MRPL47: variants seen among roughly 807,000 people sequenced by gnomAD.
MRPL47 encodes the protein mitochondrial ribosomal protein L47, also known as large ribosomal subunit protein uL29m.
MRPL47 carries 31 observed loss-of-function variants against 34.0 expected under a neutral mutation model. That is an observed-to-expected ratio of 0.91 (90% CI 0.68 to 1.23). MRPL47 has a LOEUF of 1.23. Ranked by LOEUF, MRPL47 falls within the 50% of genes most tolerant of loss-of-function variation. The probability of loss-of-function intolerance (pLI) is 0.00; values close to 1 mark genes in which losing one functional copy is unlikely to be tolerated. For missense variants in MRPL47, 328 were observed against 285.8 expected (o/e 1.15, Z -1.07); for synonymous variants, 106 against 101.6 (o/e 1.04, Z -0.26).
At chr3:179,589,924 A>C (rs763064348) in intron 6 of MRPL47, among the ~76,000 whole-genome samples, 2 of 152,212 alleles carry the variant, frequency 1.3e-5, no homozygotes, top group Non-Finnish European at 2.9e-5. Context: ...TCTTAATATT[A>C]AGATGATGAT....
At position 179,604,621 on chromosome 3, in the gene MRPL47, C is replaced by T; in HGVS notation, c.4G>A (p.Ala2Thr). 3 of 1,614,164 alleles carry T rather than the reference C, an allele frequency of 1.9e-6. No individual in the cohort carries two copies. The highest frequency in any genetic ancestry group is 2.5e-6 in the Non-Finnish European group (3 of 1,180,026). ...CAAAGAAGGGCCAAACCGGCCGCAG[C>T]CATGTTTTCGCATAACTGGCAAAAC... The part of the protein sequence containing the change: M[A>T]AAGLALLCRR... The change falls in exon 1 of 7, where the codon GCT becomes ACT. Residue 2 changes from alanine (A) to threonine (T), a missense_variant. Coordinates refer to ENST00000476781, the MANE Select transcript of MRPL47 (RefSeq NM_020409.3).
At chr3:179,593,918 C>A in intron 4 of MRPL47, 23 bp from the exon 5 acceptor site, 1 of 1,595,932 alleles carries the variant, frequency 6.3e-7, no homozygotes, top group Non-Finnish European at 8.5e-7. Flanking sequence ...TAGAAAGATA[C>A]AATTTCAACA....
chr3:179,600,363 G>A (rs1358754793), intron 3 of MRPL47, among the ~76,000 whole-genome samples: 3 of 151,984 alleles, frequency 2.0e-5, no homozygotes, highest in Non-Finnish European at 2.9e-5. Flanking sequence ...AATGTTGGCT[G>A]GGCACGGTGG....
At chr3:179,594,672 T>C (rs1030636947) in intron 4 of MRPL47, among the ~76,000 whole-genome samples, 5 of 151,958 alleles carry the variant, frequency 3.3e-5, no homozygotes, top group Non-Finnish European at 7.4e-5. Flanking sequence ...TTATTAGAGA[T>C]GGGGTTTCAC....
At chr3:179,591,852 A>G (rs561859051) in intron 6 of MRPL47, among the ~76,000 whole-genome samples, 1 of 151,984 alleles carries the variant, frequency 6.6e-6, no homozygotes, top group Admixed American at 6.5e-5. Context: ...CTGTTTTTTG[A>G]GATGAAGTCT....
intron 4 of MRPL47, among the ~76,000 whole-genome samples, chr3:179,594,467 A>G (rs576415856): frequency 2.0e-5 from 3 of 152,192 alleles, no homozygotes; most frequent in Non-Finnish European, 4.4e-5. Flanking sequence ...TATAATGTAT[A>G]TATTGGCAGG....
chr3:179,594,535 C>T (rs1265147652), intron 4 of MRPL47, among the ~76,000 whole-genome samples: 3 of 152,128 alleles, frequency 2.0e-5, no homozygotes, highest in African/African-American at 4.8e-5. Flanking sequence ...CAGGCTAGAG[C>T]GCAGTGGCGT....
chr3:179,594,399 G>T (rs1718747809), intron 4 of MRPL47, among the ~76,000 whole-genome samples: 1 of 152,160 alleles, frequency 6.6e-6, no homozygotes, highest in African/African-American at 2.4e-5. Flanking sequence ...TTATCAAGAT[G>T]CAAGATGATA....
chr3:179,600,056 G>C (rs1452460235), intron 3 of MRPL47, among the ~76,000 whole-genome samples: 1 of 151,990 alleles, frequency 6.6e-6, no homozygotes, highest in Non-Finnish European at 1.5e-5. Flanking sequence ...GGAAGGCGGA[G>C]GTTGCAGTGG....
At chr3:179,589,259 T>G (rs1718607966) in intron 6 of MRPL47, among the ~76,000 whole-genome samples, 1 of 152,092 alleles carries the variant, frequency 6.6e-6, no homozygotes, top group Non-Finnish European at 1.5e-5. Context: ...AATTGGGCCT[T>G]AAGTTCAATC....
chr3:179,592,446 G>A lies in MRPL47; in HGVS notation c.629+198C>T, dbSNP rs970987591. On this transcript the variant is annotated intron_variant, in intron 6 of 6. Coordinates refer to ENST00000476781, the MANE Select transcript of MRPL47 (RefSeq NM_020409.3). ...CCTGACCTCGTGATCCACCCACCTC[G>A]GCCTCCCAAAGTGCTGGGATTACAG... is the stretch of plus-strand genomic sequence containing the variant. Among the ~76,000 whole-genome samples, 11 of 152,138 alleles carry A rather than the reference G, an allele frequency of 7.2e-5. No homozygotes were observed. In the East Asian group the frequency reaches 1.5e-3, roughly 21 times the overall value.
At position 179,598,761 on chromosome 3, in the gene MRPL47, G is replaced by C. The variant is rs1404296009; in HGVS notation, c.316C>G (p.Leu106Val). 6.2e-7 allele frequency: 1 copy of C among 1,606,944 alleles called. No homozygotes were observed. The highest frequency in any genetic ancestry group is 1.3e-5 in the African/African-American group (1 of 74,900). The stretch of plus-strand genomic sequence containing the variant: ...GTTAGAAGCATGTTTCTTTCTTTCA[G>C]TAAGACATACCTATACAAAAGAACA... ...EDLHKLWYVL[L>V]KERNMLLTLE... is the part of the protein sequence containing the mutation. Residue 106 changes from leucine (L) to valine (V), a missense_variant, in exon 4 of 7, where the codon CTG becomes GTG. Coordinates refer to ENST00000476781, the MANE Select transcript of MRPL47 (RefSeq NM_020409.3).
At chr3:179,591,012 C>T (rs1182988612) in intron 6 of MRPL47, among the ~76,000 whole-genome samples, 1 of 152,158 alleles carries the variant, frequency 6.6e-6, no homozygotes, top group Admixed American at 6.6e-5. Context: ...TTCTAAAGTA[C>T]ACTAAACACT....
intron 4 of MRPL47, 41 bp from the exon 5 acceptor site, chr3:179,593,936 AC>A (rs1560018370): frequency 6.3e-7 from 1 of 1,578,338 alleles, no homozygotes; most frequent in South Asian, 1.2e-5. Flanking sequence ...ACAATCATCT[AC>A]TACAAAATTC....
rs532758960 is a variant in MRPL47 at position 179,592,867 on chromosome 3, G to C, written c.534-128C>G. On this transcript the variant is annotated intron_variant, in intron 5 of 6. Coordinates refer to ENST00000476781, the MANE Select transcript of MRPL47 (RefSeq NM_020409.3). ...AAAATAAAACATAAACATTTTTAGTGAGATGCTTTGGCAATTTCTCTTTTC... is the reference window on the plus strand; with the variant it reads ...AAAATAAAACATAAACATTTTTAGTCAGATGCTTTGGCAATTTCTCTTTTC... The C allele has an allele frequency of 3.2e-4, 202 of 630,986 alleles. No homozygotes were observed. In the South Asian group the frequency reaches 4.0e-3, roughly 12 times the overall value. The allele number at this position is 630,986 out of a possible 1,614,324, so 39.1% of individuals were successfully genotyped here. A position where few individuals can be genotyped will look rare whatever the true frequency, so the allele number is the denominator to read the frequency against.
At chr3:179,589,419 C>T (rs1289688267) in intron 6 of MRPL47, among the ~76,000 whole-genome samples, 1 of 152,168 alleles carries the variant, frequency 6.6e-6, no homozygotes, top group Non-Finnish European at 1.5e-5. Context: ...TAGGCTCTGG[C>T]TAGACTTACT....
intron 5 of MRPL47, 75 bp downstream of exon 5, chr3:179,593,690 A>T (rs1194873857): frequency 1.2e-5 from 16 of 1,388,364 alleles, no homozygotes; most frequent in South Asian, 6.4e-5. Context: ...ATTTTTTTTT[A>T]AAAGATATTG....
intron 4 of MRPL47, among the ~76,000 whole-genome samples, chr3:179,594,226 T>A (rs1002932139): frequency 6.6e-6 from 1 of 152,192 alleles, no homozygotes; most frequent in Non-Finnish European, 1.5e-5. Flanking sequence ...TAATAAGAAG[T>A]GATAATAATT....
chr3:179,595,207 G>A (rs903304847), intron 4 of MRPL47, among the ~76,000 whole-genome samples: 4 of 151,954 alleles, frequency 2.6e-5, no homozygotes, highest in African/African-American at 9.7e-5. Context: ...CACCACACCC[G>A]ACTAATTTTT....
Sources: allele counts gnomAD v4.1 joint callset (sites outside exome capture counted in the v4.1 genomes callset), GRCh38; gene constraint gnomAD v4.1.1; transcripts MANE v1.5; gene names NCBI Gene and HGNC (gene_info 2026-07-23, HGNC 2026-07-21).